RANBP17: variants seen among roughly 807,000 people sequenced by gnomAD.
RANBP17 encodes RAN binding protein 17, also known as ran-binding protein 17.
A neutral mutation model predicts 141.2 loss-of-function variants in RANBP17; 158 were observed. The ratio of observed to expected loss-of-function variants is 1.12; its 90% CI spans 0.98 to 1.28. The LOEUF (loss-of-function observed/expected upper bound fraction) is 1.28, where lower values mean the gene tolerates loss of function less well. Ranked by LOEUF, RANBP17 falls within the 50% of genes most tolerant of loss-of-function variation. RANBP17 has a pLI of 0.00. For synonymous variants in RANBP17, 430 were observed against 450.0 expected (o/e 0.96, Z 0.56); for missense variants, 1,438 against 1,290.7 (o/e 1.11, Z -1.75).
At chr5:171,005,053 G>C (rs1466290194) in intron 14 of RANBP17, among the ~76,000 whole-genome samples, 1 of 152,046 alleles carries the variant, frequency 6.6e-6, no homozygotes, top group Non-Finnish European at 1.5e-5. Context: ...CCTATTGTGG[G>C]GTTTGAGGGC....
At chr5:171,224,223 T>C (rs1763752735) in intron 22 of RANBP17, among the ~76,000 whole-genome samples, 1 of 152,230 alleles carries the variant, frequency 6.6e-6, no homozygotes, top group African/African-American at 2.4e-5. Context: ...TTAGTTTTTA[T>C]TTCCTCTCTT....
In RANBP17 at chr5:171,213,648, C is replaced by T. The variant is rs762666777; in HGVS notation, c.2249C>T (p.Pro750Leu). The T allele has an allele frequency of 5.0e-6, 8 of 1,613,402 alleles. No individual in the cohort carries two copies. The Admixed American group carries it at 8.3e-5, about 17-fold the overall frequency. The part of the protein sequence containing the change: ...LFDWMYPTYL[P>L]LLQNAVERWY... Reference sequence around the variant, plus strand: ...TATAAAAGGTACCCAACGTACCTTCCCCTTCTTCAGAATGCTGTTGAACGG... The same window carrying T: ...TATAAAAGGTACCCAACGTACCTTCTCCTTCTTCAGAATGCTGTTGAACGG... Residue 750 changes from proline to leucine, a missense_variant, in exon 21 of 28, where the codon CCC becomes CTC. Physicochemically the swap from Pro to Leu is moderately conservative, Grantham distance 98. Coordinates refer to ENST00000523189, the MANE Select transcript of RANBP17 (RefSeq NM_022897.5).
intron 14 of RANBP17, among the ~76,000 whole-genome samples, chr5:171,080,210 C>T (rs1785178101): frequency 6.6e-6 from 1 of 150,522 alleles, no homozygotes; most frequent in Admixed American, 6.7e-5. Context: ...TGGGGCGATA[C>T]TAGTGATATA....
intron 12 of RANBP17, among the ~76,000 whole-genome samples, chr5:170,929,063 T>G (rs1184429802): frequency 6.6e-6 from 1 of 152,120 alleles, no homozygotes; most frequent in African/African-American, 2.4e-5. Context: ...TCTCTGCTAC[T>G]CTATTAAACC....
intron 14 of RANBP17, among the ~76,000 whole-genome samples, chr5:171,089,091 G>GT (rs1246398690): frequency 3.7e-4 from 55 of 147,992 alleles, no homozygotes; most frequent in South Asian, 1.3e-3. Context: ...CATCTTTGTG[G>GT]TTTTATCTAC....
At chr5:171,247,420 A>C (rs1171495231) in intron 24 of RANBP17, among the ~76,000 whole-genome samples, 1 of 152,176 alleles carries the variant, frequency 6.6e-6, no homozygotes. Flanking sequence ...ACAATGATAT[A>C]TTTTAAAAAG....
chr5:171,061,119 G>C (rs979786644), intron 14 of RANBP17, among the ~76,000 whole-genome samples: 2 of 152,010 alleles, frequency 1.3e-5, no homozygotes, highest in African/African-American at 4.8e-5. Context: ...CCAGCTCCTG[G>C]ATTCATTGAT....
chr5:170,916,064 A>G (rs961533849), intron 8 of RANBP17, among the ~76,000 whole-genome samples: 4 of 151,758 alleles, frequency 2.6e-5, no homozygotes, highest in African/African-American at 7.3e-5. Flanking sequence ...TGCTTTTTAT[A>G]TTGCATTATA....
intron 16 of RANBP17, among the ~76,000 whole-genome samples, chr5:171,174,496 A>C (rs980505349): frequency 9.2e-5 from 14 of 152,190 alleles, no homozygotes; most frequent in Admixed American, 9.2e-4. Flanking sequence ...ACTTATTTTA[A>C]ATGCTGAAAA....
intron 14 of RANBP17, among the ~76,000 whole-genome samples, chr5:171,094,981 G>A (rs1388268891): frequency 1.3e-5 from 2 of 152,106 alleles, no homozygotes; most frequent in Non-Finnish European, 2.9e-5. Context: ...CCAATCCCTG[G>A]TGCCTCTCTC....
At chr5:171,138,718 A>T (rs1757483961) in intron 14 of RANBP17, among the ~76,000 whole-genome samples, 1 of 152,140 alleles carries the variant, frequency 6.6e-6, no homozygotes, top group Admixed American at 6.6e-5. Flanking sequence ...CCTTAGGGAA[A>T]ACTAAATGGA....
chr5:171,058,955 GTCT>G (rs1731365987), intron 14 of RANBP17, among the ~76,000 whole-genome samples: 1 of 151,138 alleles, frequency 6.6e-6, no homozygotes, highest in Non-Finnish European at 1.5e-5. Context: ...CTGCATAAAT[GTCT>G]TCTTTTGAGA....
chr5:171,200,847 A>G (rs748485126), intron 19 of RANBP17, among the ~76,000 whole-genome samples: 6 of 152,236 alleles, frequency 3.9e-5, no homozygotes, highest in Non-Finnish European at 7.3e-5. Context: ...GTTTATCAGC[A>G]TGCTATAGTT....
intron 3 of RANBP17, among the ~76,000 whole-genome samples, chr5:170,883,968 T>C (rs976011710): frequency 5.3e-5 from 8 of 152,236 alleles, no homozygotes; most frequent in Non-Finnish European, 8.8e-5. Context: ...GATAAATACC[T>C]TGGAGCACAA....
At chr5:171,044,957 GAAT>G (rs1332416158) in intron 14 of RANBP17, among the ~76,000 whole-genome samples, 2 of 151,124 alleles carry the variant, frequency 1.3e-5, no homozygotes, top group Non-Finnish European at 3.0e-5. Flanking sequence ...ACTACCTATG[GAAT>G]AATAACATGT....
chr5:171,210,125 A>G (rs999177380), intron 20 of RANBP17, among the ~76,000 whole-genome samples: 5 of 152,184 alleles, frequency 3.3e-5, no homozygotes, highest in African/African-American at 1.2e-4. Flanking sequence ...AGTGAAAGCA[A>G]TTAGATCTGT....
At chr5:171,114,586 G>GCAGGA (rs1311559479) in intron 14 of RANBP17, among the ~76,000 whole-genome samples, 2 of 151,182 alleles carry the variant, frequency 1.3e-5, no homozygotes, top group Admixed American at 1.3e-4. Flanking sequence ...AGTTTATCCA[G>GCAGGA]CCACAAAGAG....
Position 170,916,476 on chromosome 5 carries a change from T to C in RANBP17, c.846T>C (p.Cys282=), listed in dbSNP as rs997948925. Residue 282 remains cysteine (C), a synonymous_variant, in exon 9 of 28, where the codon TGT becomes TGC. Coordinates refer to ENST00000523189, the MANE Select transcript of RANBP17 (RefSeq NM_022897.5). ...PPLLSQLALS[C]LVQFASTRRS... is the part of the protein sequence containing the mutation. ...TTGGTATTTTTTAGGCACTTTCATGTTTAGTTCAGTTTGCTTCGACAAGAA... is the reference window on the plus strand; with the variant it reads ...TTGGTATTTTTTAGGCACTTTCATGCTTAGTTCAGTTTGCTTCGACAAGAA... 4.5e-6 allele frequency: 7 copies of C among 1,563,722 alleles called. No individual in the cohort carries two copies. The highest frequency in any genetic ancestry group is 1.4e-5 in the African/African-American group (1 of 73,140).
intron 1 of RANBP17, among the ~76,000 whole-genome samples, chr5:170,873,000 C>T (rs1767880134): frequency 1.3e-5 from 2 of 152,224 alleles, no homozygotes; most frequent in Non-Finnish European, 2.9e-5. Context: ...CAACCTCCAC[C>T]TCCAGGGTTC....
Sources: allele counts gnomAD v4.1 joint callset (sites outside exome capture counted in the v4.1 genomes callset), GRCh38; gene constraint gnomAD v4.1.1; transcripts MANE v1.5; gene names NCBI Gene and HGNC (gene_info 2026-07-23, HGNC 2026-07-21).